Variants in ARNT2 observed in about 807,000 individuals in gnomAD.
ARNT2 encodes the protein aryl hydrocarbon receptor nuclear translocator 2.
Under a neutral mutation model 91.7 loss-of-function variants are expected in ARNT2, and 36 were observed. The observed-to-expected ratio is 0.39, with a 90% CI of 0.30 to 0.52. The LOEUF is 0.52. ARNT2 is among the 20% of genes least tolerant of loss of function. The pLI, the probability that ARNT2 is intolerant of heterozygous loss-of-function variation, is 0.72. For missense variants in ARNT2, 775 were observed against 939.3 expected (o/e 0.83, Z 2.29); for synonymous variants, 365 against 347.1 (o/e 1.05, Z -0.57).
chr15:80,475,093 T>C lies in ARNT2; in HGVS notation c.492T>C (p.Ser164=). The change falls in exon 5 of 19, where the codon TCT becomes TCC. Residue 164 remains serine (S), a synonymous_variant. Coordinates refer to ENST00000303329, the MANE Select transcript of ARNT2 (RefSeq NM_014862.4). ...AAETGRVIYV[S]DSVTPVLNQP... ...AGACAGGGCGAGTGATTTATGTGTC[T>C]GACTCCGTCACCCCTGTTCTGAACC... 6.2e-7 allele frequency: 1 copy of C among 1,614,216 alleles called. No individual in the cohort carries two copies. Among genetic ancestry groups the C allele is most frequent in the South Asian group, 1.1e-5 (1 of 91,088 alleles).
chr15:80,561,182 C>G (rs1007043175), intron 11 of ARNT2, among the ~76,000 whole-genome samples: 1 of 152,138 alleles, frequency 6.6e-6, no homozygotes, highest in Non-Finnish European at 1.5e-5. Context: ...ACAAGTGTGG[C>G]GGGTGTGAGG....
intron 5 of ARNT2, among the ~76,000 whole-genome samples, chr15:80,477,913 G>A (rs1896831085): frequency 6.6e-6 from 1 of 152,180 alleles, no homozygotes; most frequent in Admixed American, 6.5e-5. Context: ...CTCAGTGCTG[G>A]TGATCAAAGA....
At chr15:80,559,647 A>T (rs180745736) in intron 11 of ARNT2, among the ~76,000 whole-genome samples, 1 of 152,150 alleles carries the variant, frequency 6.6e-6, no homozygotes. Flanking sequence ...GCCAGCCAGG[A>T]ACCGGGAAAC....
intron 5 of ARNT2, among the ~76,000 whole-genome samples, chr15:80,489,730 C>T (rs909380475): frequency 2.0e-5 from 3 of 152,242 alleles, no homozygotes; most frequent in African/African-American, 4.8e-5. Flanking sequence ...AAGTTATCCC[C>T]AGTAACCCTT....
chr15:80,526,995 T>C (rs1363402628), intron 8 of ARNT2, among the ~76,000 whole-genome samples: 11 of 152,204 alleles, frequency 7.2e-5, no homozygotes, highest in Admixed American at 7.2e-4. Flanking sequence ...ACCCTGCCCA[T>C]GTGGCATGAG....
intron 5 of ARNT2, among the ~76,000 whole-genome samples, chr15:80,490,004 C>CT (rs541200822): frequency 4.6e-5 from 7 of 151,476 alleles, no homozygotes; most frequent in African/African-American, 1.7e-4. Context: ...TGCTTGTCAT[C>CT]TTTTTTTTTC....
chr15:80,516,759 C>A (rs13329691), intron 8 of ARNT2, among the ~76,000 whole-genome samples: 98 of 142,528 alleles, frequency 6.9e-4, no homozygotes, highest in African/African-American at 2.4e-3. Context: ...TTTTAAGTTT[C>A]TTTAAAAATA....
chr15:80,443,704 T>G (rs528507633), intron 1 of ARNT2, among the ~76,000 whole-genome samples: 96 of 152,164 alleles, frequency 6.3e-4, no homozygotes, highest in African/African-American at 2.2e-3. Context: ...GTGAAGGACG[T>G]GGTCCTGGAA....
At chr15:80,412,533 A>G (rs2040635973) in intron 1 of ARNT2, among the ~76,000 whole-genome samples, 1 of 152,110 alleles carries the variant, frequency 6.6e-6, no homozygotes, top group Non-Finnish European at 1.5e-5. Flanking sequence ...ACAAAATAGA[A>G]TTATTTCGAG....
rs949931468 is a variant in ARNT2, at chr15:80,514,411, G to C, written c.877+6G>C. 6.2e-7 allele frequency: 1 copy of C among 1,613,142 alleles called. No homozygotes were observed. The highest frequency in any genetic ancestry group is 8.5e-7 in the Non-Finnish European group (1 of 1,179,208). On this transcript the variant is annotated splice_donor_region_variant and intron_variant, in intron 8 of 18. Transcript: ENST00000303329. Reference sequence around the variant, plus strand: ...CAAGGCCTGGCCACCAGCAGGTAAGGAGACCTGCATGTAAATTCCACGGGA... The same window carrying C: ...CAAGGCCTGGCCACCAGCAGGTAAGCAGACCTGCATGTAAATTCCACGGGA...
chr15:80,575,454 G>A (rs938521886), intron 14 of ARNT2, among the ~76,000 whole-genome samples: 3 of 152,190 alleles, frequency 2.0e-5, no homozygotes, highest in Non-Finnish European at 4.4e-5. Context: ...CTCGATGACC[G>A]AAGGAGGGAG....
At chr15:80,536,067 C>G (rs67687110) in intron 8 of ARNT2, among the ~76,000 whole-genome samples, 46,324 of 152,070 alleles carry the variant, frequency 0.3, 7,487 homozygotes, top group Non-Finnish European at 0.35. Context: ...AACAGCACAA[C>G]TTGCTGGCAT....
chr15:80,521,683 G>T (rs971076609), intron 8 of ARNT2, among the ~76,000 whole-genome samples: 6 of 151,978 alleles, frequency 3.9e-5, no homozygotes, highest in African/African-American at 1.5e-4. Context: ...TTGAAGAAAC[G>T]CCAATGCCAT....
chr15:80,572,460 C>CTCAT (rs1276432176), intron 12 of ARNT2, among the ~76,000 whole-genome samples: 3 of 151,720 alleles, frequency 2.0e-5, no homozygotes, highest in Non-Finnish European at 4.4e-5. Flanking sequence ...CAGCCACTTC[C>CTCAT]TCATCCTAGA....
intron 1 of ARNT2, among the ~76,000 whole-genome samples, chr15:80,447,930 A>C (rs1896329516): frequency 6.6e-6 from 1 of 152,210 alleles, no homozygotes; most frequent in African/African-American, 2.4e-5. Flanking sequence ...AAACTTTTTA[A>C]AGTAGACATA....
At chr15:80,414,140 G>C (rs1895742466) in intron 1 of ARNT2, among the ~76,000 whole-genome samples, 1 of 152,214 alleles carries the variant, frequency 6.6e-6, no homozygotes, top group African/African-American at 2.4e-5. Context: ...GGACATGTGA[G>C]AAACCTGGGC....
At chr15:80,557,293 G>A (rs1441712926) in intron 11 of ARNT2, among the ~76,000 whole-genome samples, 4 of 152,018 alleles carry the variant, frequency 2.6e-5, no homozygotes, top group Non-Finnish European at 4.4e-5. Flanking sequence ...TACAAGCCAT[G>A]ATGGATGATG....
intron 5 of ARNT2, among the ~76,000 whole-genome samples, chr15:80,496,070 A>T (rs979038289): frequency 9.2e-5 from 14 of 152,302 alleles, no homozygotes; most frequent in African/African-American, 3.4e-4. Context: ...CACTTTGCTT[A>T]GTACTGCAGC....
intron 3 of ARNT2, among the ~76,000 whole-genome samples, chr15:80,460,922 G>GT (rs1481454406): frequency 1.3e-5 from 2 of 152,196 alleles, no homozygotes; most frequent in Non-Finnish European, 2.9e-5. Flanking sequence ...ACAGAAGGGA[G>GT]TACTCATGCT....
Sources: allele counts gnomAD v4.1 joint callset (sites outside exome capture counted in the v4.1 genomes callset), GRCh38; gene constraint gnomAD v4.1.1; transcripts MANE v1.5; gene names NCBI Gene and HGNC (gene_info 2026-07-23, HGNC 2026-07-21).